The following STPG2 variants were observed in gnomAD, a reference collection of about 807,000 sequenced individuals.
The protein encoded by STPG2 is sperm-tail PG-rich repeat-containing protein 2.
A neutral mutation model predicts 54.2 loss-of-function variants in STPG2; 56 were observed. That is an observed-to-expected ratio of 1.03 (90% CI 0.83 to 1.29). STPG2 has a LOEUF of 1.29. STPG2 is among the 50% of genes most tolerant of loss of function. STPG2 has a pLI of 0.00. For missense variants in STPG2, 596 were observed against 544.9 expected (o/e 1.09, Z -0.93); for synonymous variants, 200 against 181.8 (o/e 1.10, Z -0.81).
intron 10 of STPG2, among the ~76,000 whole-genome samples, chr4:97,676,091 T>G (rs1377193339): frequency 6.8e-6 from 1 of 147,460 alleles, no homozygotes; most frequent in African/African-American, 2.5e-5. Flanking sequence ...TAGTATATAC[T>G]AAATATATAC....
At chr4:97,703,000 C>T (rs1292875941) in intron 10 of STPG2, among the ~76,000 whole-genome samples, 3 of 152,000 alleles carry the variant, frequency 2.0e-5, no homozygotes, top group Non-Finnish European at 2.9e-5. Context: ...AGTTAGAATC[C>T]GTAGATTCAT....
At chr4:97,501,978 G>A (rs1213621367) in intron 4 of STPG2, among the ~76,000 whole-genome samples, 1 of 151,386 alleles carries the variant, frequency 6.6e-6, no homozygotes, top group African/African-American at 2.4e-5. Context: ...AGAAACAAGA[G>A]AAACAAAATA....
At chr4:98,130,091 G>T (rs1270953023) in intron 2 of STPG2, among the ~76,000 whole-genome samples, 1 of 151,580 alleles carries the variant, frequency 6.6e-6, no homozygotes, top group Non-Finnish European at 1.5e-5. Context: ...AACTCCTGAC[G>T]TCAGGTGATC....
At chr4:97,512,199 T>C (rs181676219) in intron 4 of STPG2, among the ~76,000 whole-genome samples, 2,085 of 151,978 alleles carry the variant, frequency 0.014, 17 homozygotes, top group Middle Eastern at 0.031. Flanking sequence ...ATTATAAAAA[T>C]CTAGGTGAAA....
intron 10 of STPG2, among the ~76,000 whole-genome samples, chr4:97,687,551 G>T (rs1396622554): frequency 6.6e-6 from 1 of 151,366 alleles, no homozygotes; most frequent in Non-Finnish European, 1.5e-5. Context: ...CGTTGGCCAA[G>T]CTGGTCTCGA....
intron 9 of STPG2, among the ~76,000 whole-genome samples, chr4:97,745,585 A>G (rs1293490266): frequency 6.6e-6 from 1 of 151,210 alleles, no homozygotes; most frequent in Non-Finnish European, 1.5e-5. Context: ...CTTTAGTAAA[A>G]TTAATAGTCA....
intron 8 of STPG2, among the ~76,000 whole-genome samples, chr4:97,866,187 T>C (rs1729771926): frequency 6.6e-6 from 1 of 151,896 alleles, no homozygotes; most frequent in South Asian, 2.1e-4. Flanking sequence ...TATTTGATAG[T>C]ACAACAGGGT....
intron 5 of STPG2, among the ~76,000 whole-genome samples, chr4:98,045,721 T>C (rs1343783055): frequency 1.3e-5 from 2 of 152,138 alleles, no homozygotes; most frequent in African/African-American, 4.8e-5. Context: ...TATTTATTTA[T>C]CTATTTTAAT....
At chr4:97,488,438 C>A (rs977885515) in intron 4 of STPG2, among the ~76,000 whole-genome samples, 1 of 151,654 alleles carries the variant, frequency 6.6e-6, no homozygotes, top group South Asian at 2.1e-4. Flanking sequence ...TATTTACATG[C>A]AATCTGTCCC....
At chr4:97,767,502 A>G (rs1388785675) in intron 9 of STPG2, among the ~76,000 whole-genome samples, 2 of 152,194 alleles carry the variant, frequency 1.3e-5, no homozygotes, top group African/African-American at 2.4e-5. Context: ...AAATTTTACA[A>G]TATAAATACA....
intron 5 of STPG2, among the ~76,000 whole-genome samples, chr4:98,034,076 A>C (rs1163004330): frequency 6.6e-6 from 1 of 152,204 alleles, no homozygotes; most frequent in Non-Finnish European, 1.5e-5. Flanking sequence ...ACTCCTATTC[A>C]ACATAGTATT....
At chr4:97,828,333 T>C (rs1015385614) in intron 9 of STPG2, among the ~76,000 whole-genome samples, 3 of 152,162 alleles carry the variant, frequency 2.0e-5, no homozygotes, top group African/African-American at 7.2e-5. Context: ...GGGACTGTGC[T>C]GTGAGGAATG....
At chr4:98,128,973 A>T (rs572654936) in intron 2 of STPG2, among the ~76,000 whole-genome samples, 11 of 152,254 alleles carry the variant, frequency 7.2e-5, no homozygotes, top group South Asian at 4.1e-4. Context: ...ACCTCAAATG[A>T]TCTGCCAGCC....
chr4:97,559,821 A>G (rs1440565997), intron 10 of STPG2, among the ~76,000 whole-genome samples: 1 of 152,214 alleles, frequency 6.6e-6, no homozygotes, highest in East Asian at 1.9e-4. Context: ...TTTGACAAAA[A>G]GATCAAAATA....
intron 10 of STPG2, among the ~76,000 whole-genome samples, chr4:97,586,780 A>G (rs1046965584): frequency 6.6e-6 from 1 of 151,990 alleles, no homozygotes; most frequent in African/African-American, 2.4e-5. Flanking sequence ...AGGCAAACTA[A>G]AAGAATTTGT....
At chr4:98,051,183 G>A (rs546284716) in intron 5 of STPG2, among the ~76,000 whole-genome samples, 21 of 152,250 alleles carry the variant, frequency 1.4e-4, no homozygotes, top group African/African-American at 5.1e-4. Flanking sequence ...AAGGAAGTTA[G>A]TTCCCTAATC....
rs112864926 is a variant in STPG2, at chr4:97,769,154, G to A, written c.1205-56340C>T. Among the ~76,000 whole-genome samples, 844 of 152,108 alleles carry A rather than the reference G, an allele frequency of 5.5e-3. 4 individuals carry two copies. The highest frequency in any genetic ancestry group is 0.02 in the Middle Eastern group (6 of 294). On this transcript the variant is annotated intron_variant, in intron 9 of 10. Transcript: ENST00000295268. Reference sequence around the variant, plus strand: ...GTTACTCTGGGGTCTCTATGGCCAAGAGATGGTTTGTTCAGTCAGTTGGGG... The same window carrying A: ...GTTACTCTGGGGTCTCTATGGCCAAAAGATGGTTTGTTCAGTCAGTTGGGG...
intron 5 of STPG2, among the ~76,000 whole-genome samples, chr4:98,063,266 C>G (rs1391841444): frequency 6.6e-6 from 1 of 151,972 alleles, no homozygotes; most frequent in Non-Finnish European, 1.5e-5. Context: ...CTGGCCACCA[C>G]AGTGAAACCC....
chr4:98,115,977 T>TATAAC (rs145661392), intron 3 of STPG2, among the ~76,000 whole-genome samples: 59,745 of 151,522 alleles, frequency 0.39, 11,988 homozygotes, highest in Middle Eastern at 0.46. Flanking sequence ...TACGTTTTTA[T>TATAAC]ATGTTTTTAA....
Sources: gnomAD v4.1 joint callset for allele counts (sites outside exome capture counted in the v4.1 genomes callset) on GRCh38, gnomAD v4.1.1 for gene constraint, MANE v1.5 for transcripts, NCBI Gene and HGNC (gene_info 2026-07-23, HGNC 2026-07-21) for gene names.